Variants in MPP7 observed in about 807,000 individuals in gnomAD.
The protein encoded by MPP7 is MAGUK p55 scaffold protein 7.
Under a neutral mutation model 76.5 loss-of-function variants are expected in MPP7, and 60 were observed. The observed-to-expected ratio is 0.78, with a 90% CI of 0.64 to 0.97. MPP7 has a LOEUF of 0.97. MPP7 is among the 50% of genes least tolerant of loss of function. The pLI, the probability that MPP7 is intolerant of heterozygous loss-of-function variation, is 0.00. For synonymous variants in MPP7, 237 were observed against 244.5 expected (o/e 0.97, Z 0.29); for missense variants, 641 against 694.0 (o/e 0.92, Z 0.86).
In MPP7 at chr10:28,193,214, TG is replaced by T. The variant is rs1432166206; in HGVS notation, c.156+8938del. 4.2e-3 allele frequency among the ~76,000 whole-genome samples: 584 copies of T among 139,262 alleles called. 2 individuals carry two copies. The highest frequency in any genetic ancestry group is 0.016 in the African/African-American group (526 of 33,052). 91.4% of individuals were successfully genotyped at this position (139,262 alleles called of 152,430 possible). A position where few individuals can be genotyped will look rare whatever the true frequency, so the allele number is the denominator to read the frequency against. The stretch of plus-strand genomic sequence containing the variant: ...GGGTTTTTTTGTTTGGTTGGTTTTT[TG>T]TTTTTTTTTTTTTTTGAGACGGAGT... On this transcript the variant is annotated intron_variant, in intron 3 of 16. Coordinates refer to ENST00000683449, the MANE Select transcript of MPP7 (RefSeq NM_001318170.2).
intron 1 of MPP7, among the ~76,000 whole-genome samples, chr10:28,286,237 T>C (rs932047681): frequency 6.6e-6 from 1 of 151,538 alleles, no homozygotes; most frequent in African/African-American, 2.4e-5. Flanking sequence ...TCCCAGCTAC[T>C]CAGGAGGCTG....
intron 13 of MPP7, among the ~76,000 whole-genome samples, chr10:28,063,476 A>G (rs975223537): frequency 1.3e-5 from 2 of 151,882 alleles, no homozygotes; most frequent in African/African-American, 4.8e-5. Flanking sequence ...AAAAAAAAAA[A>G]AGTCAAAAGA....
intron 2 of MPP7, among the ~76,000 whole-genome samples, chr10:28,327,664 A>G (rs902195583): frequency 2.4e-4 from 36 of 152,218 alleles, no homozygotes; most frequent in South Asian, 1.2e-3. Context: ...AATGGGGGTG[A>G]ATCATGCTGA....
chr10:28,263,686 G>A (rs1215931401), intron 1 of MPP7, among the ~76,000 whole-genome samples: 1 of 152,208 alleles, frequency 6.6e-6, no homozygotes, highest in Non-Finnish European at 1.5e-5. Context: ...GGAAAGGATG[G>A]CAGGGGAGGG....
chr10:28,275,039 A>G (rs1216877921), intron 1 of MPP7, among the ~76,000 whole-genome samples: 2 of 152,232 alleles, frequency 1.3e-5, no homozygotes, highest in South Asian at 2.1e-4. Flanking sequence ...TTAAATGTCC[A>G]TAGTCCAGAT....
chr10:28,054,971 G>A (rs1851501295), intron 16 of MPP7, among the ~76,000 whole-genome samples: 1 of 152,138 alleles, frequency 6.6e-6, no homozygotes, highest in Non-Finnish European at 1.5e-5. Flanking sequence ...GAGCCACCAC[G>A]CCCGGCTGAT....
intron 1 of MPP7, among the ~76,000 whole-genome samples, chr10:28,249,445 C>T (rs11006946): frequency 0.2 from 30,474 of 151,906 alleles, 3,542 homozygotes; most frequent in East Asian, 0.54. Context: ...AAAAATTAGC[C>T]GGGCATGGTG....
chr10:28,305,953 T>G (rs1048121295), upstream of MPP7: 1 of 152,256 alleles, frequency 6.6e-6, no homozygotes, highest in African/African-American at 2.4e-5. Context: ...GACAGCCCTT[T>G]TAGGATAGTA....
At chr10:28,230,812 T>C (rs1166224261) in intron 2 of MPP7, among the ~76,000 whole-genome samples, 1 of 152,048 alleles carries the variant, frequency 6.6e-6, no homozygotes, top group Non-Finnish European at 1.5e-5. Flanking sequence ...CGAGAATCCA[T>C]CTCAAATAAA....
Position 28,052,096 on chromosome 10 carries a change from G to A in MPP7, c.*1969C>T, listed in dbSNP as rs540852732. 1 of 152,162 alleles carries A rather than the reference G, an allele frequency of 6.6e-6. No homozygotes were observed. The highest frequency in any genetic ancestry group is 2.1e-4 in the South Asian group (1 of 4,816). The allele number at this position is 152,162 out of a possible 1,614,324, so 9.4% of individuals were successfully genotyped here. ...TTTACACTATATCTCTGTCCCCAAA[G>A]TAAATAACTGAAGCAATTATCTGCA... On this transcript the variant is annotated 3_prime_UTR_variant, in exon 17 of 17. Coordinates refer to ENST00000683449, the MANE Select transcript of MPP7 (RefSeq NM_001318170.2).
intron 12 of MPP7, among the ~76,000 whole-genome samples, chr10:28,079,885 G>C (rs1443658361): frequency 2.0e-5 from 3 of 152,034 alleles, no homozygotes; most frequent in Non-Finnish European, 1.5e-5. Context: ...ACTTAGGAAG[G>C]CCGAGGCGGG....
At chr10:28,076,811 G>A (rs369854310) in intron 12 of MPP7, among the ~76,000 whole-genome samples, 2 of 151,760 alleles carry the variant, frequency 1.3e-5, no homozygotes, top group East Asian at 1.9e-4. Flanking sequence ...TTGCTTGAAC[G>A]TGGGAGGCAG....
Position 28,255,703 on chromosome 10 carries a change from C to T in MPP7, c.-131-16968G>A, listed in dbSNP as rs990539043. Among the ~76,000 whole-genome samples the T allele has an allele frequency of 5.3e-5, 8 of 152,310 alleles. No homozygotes were observed. The South Asian group carries it at 1.7e-3, about 32-fold the overall frequency. On this transcript the variant is annotated intron_variant, in intron 1 of 16. Transcript: ENST00000683449. ...TACAGGCATGAGCCACTGTGCCCAG[C>T]CCATCTTTTTCTTAATTCTACATAT... is the stretch of plus-strand genomic sequence containing the variant.
intron 1 of MPP7, among the ~76,000 whole-genome samples, chr10:28,241,998 C>T (rs1319123156): frequency 1.3e-5 from 2 of 152,106 alleles, no homozygotes; most frequent in Non-Finnish European, 2.9e-5. Context: ...AGTGGTCAAC[C>T]ACAGAAGTGC....
At chr10:28,265,215 A>G (rs1840110327) in intron 1 of MPP7, among the ~76,000 whole-genome samples, 1 of 152,218 alleles carries the variant, frequency 6.6e-6, no homozygotes, top group Non-Finnish European at 1.5e-5. Flanking sequence ...GAGAAGGGGT[A>G]ATTGATAAAG....
chr10:28,082,449 T>G (rs1588739868), intron 12 of MPP7, among the ~76,000 whole-genome samples: 1 of 150,914 alleles, frequency 6.6e-6, no homozygotes, highest in East Asian at 2.0e-4. Context: ...TCCTCCTCCT[T>G]CCTTATCCTT....
At chr10:28,224,910 C>T (rs1838638695) in intron 2 of MPP7, among the ~76,000 whole-genome samples, 2 of 152,014 alleles carry the variant, frequency 1.3e-5, no homozygotes, top group Non-Finnish European at 2.9e-5. Flanking sequence ...ATTGTGAGAG[C>T]CACTCTCCCC....
intron 2 of MPP7, among the ~76,000 whole-genome samples, chr10:28,203,548 G>A (rs1011588689): frequency 6.7e-6 from 1 of 148,242 alleles, no homozygotes; most frequent in Non-Finnish European, 1.5e-5. Context: ...AAGTATTCTT[G>A]GTATTTTACA....
At chr10:28,094,397 T>G (rs774699625) in intron 11 of MPP7, among the ~76,000 whole-genome samples, 1 of 152,128 alleles carries the variant, frequency 6.6e-6, no homozygotes, top group Non-Finnish European at 1.5e-5. Flanking sequence ...GCTGACTTAC[T>G]TCTCCACAAG....
Sources: gnomAD v4.1 joint callset for allele counts (sites outside exome capture counted in the v4.1 genomes callset) on GRCh38, gnomAD v4.1.1 for gene constraint, MANE v1.5 for transcripts, NCBI Gene and HGNC (gene_info 2026-07-23, HGNC 2026-07-21) for gene names.